The following SIK3 variants were observed in gnomAD, a reference collection of about 807,000 sequenced individuals.
SIK3 encodes serine/threonine-protein kinase SIK3.
Under a neutral mutation model 144.2 loss-of-function variants are expected in SIK3, and 28 were observed. The ratio of observed to expected loss-of-function variants is 0.19; its 90% CI spans 0.14 to 0.27. SIK3 has a LOEUF of 0.27. Ranked by LOEUF, SIK3 falls within the 10% of genes least tolerant of loss-of-function variation. The pLI, the probability that SIK3 is intolerant of heterozygous loss-of-function variation, is 1.00. For synonymous variants in SIK3, 686 were observed against 676.3 expected, an observed-to-expected ratio of 1.01 and a Z score of -0.22; for missense variants, 1,319 against 1,776.0, an observed-to-expected ratio of 0.74 and a Z score of 4.62.
intron 4 of SIK3, among the ~76,000 whole-genome samples, chr11:116,904,479 T>A (rs531179131): frequency 6.6e-6 from 1 of 152,304 alleles, no homozygotes; most frequent in East Asian, 1.9e-4. Context: ...TCTTTCCTTT[T>A]TTTTTCCTCC....
chr11:117,002,136 C>T (rs1248953793), intron 1 of SIK3, among the ~76,000 whole-genome samples: 1 of 152,212 alleles, frequency 6.6e-6, no homozygotes, highest in East Asian at 1.9e-4. Flanking sequence ...CCTTTCCCCA[C>T]TTTTAAAGTT....
In SIK3 at chr11:116,844,613, T is replaced by C. The variant is rs77356018; in HGVS notation, c.*1030A>G. 10,847 of 58,386 alleles carry C rather than the reference T, an allele frequency of 0.19. 1,628 individuals are homozygous for C. The highest frequency in any genetic ancestry group is 0.47 in the African/African-American group (10,278 of 21,880). The allele number at this position is 58,386 out of a possible 1,614,324, so 3.6% of individuals were successfully genotyped here. A position where few individuals can be genotyped will look rare whatever the true frequency, so the allele number is the denominator to read the frequency against. ...ATATATATTTTATATATATATTATA[T>C]ATATAATATATATATAATATATTAT... On this transcript the variant is annotated 3_prime_UTR_variant, in exon 25 of 25. Transcript: ENST00000445177.
intron 6 of SIK3, among the ~76,000 whole-genome samples, chr11:116,889,559 C>G (rs575458306): frequency 2.0e-5 from 3 of 151,978 alleles, no homozygotes; most frequent in Non-Finnish European, 4.4e-5. Context: ...AGAGCAAGAC[C>G]CTGTCGCCAA....
intron 1 of SIK3, among the ~76,000 whole-genome samples, chr11:117,056,191 A>G (rs1165022667): frequency 6.6e-6 from 1 of 152,220 alleles, no homozygotes; most frequent in African/African-American, 2.4e-5. Flanking sequence ...AATACTATTT[A>G]GCCATAAAAA....
intron 1 of SIK3, among the ~76,000 whole-genome samples, chr11:117,002,669 C>T (rs1950896880): frequency 6.6e-6 from 1 of 152,122 alleles, no homozygotes; most frequent in Non-Finnish European, 1.5e-5. Flanking sequence ...ATATTGGCTT[C>T]ATAATAAATA....
intron 1 of SIK3, among the ~76,000 whole-genome samples, chr11:117,018,355 A>G (rs1046248937): frequency 3.9e-5 from 6 of 152,216 alleles, no homozygotes; most frequent in African/African-American, 1.4e-4. Flanking sequence ...TTAAAAAGAA[A>G]AAACGCAGCT....
intron 21 of SIK3, among the ~76,000 whole-genome samples, chr11:116,853,903 G>C (rs888523443): frequency 6.6e-6 from 1 of 152,234 alleles, no homozygotes; most frequent in Non-Finnish European, 1.5e-5. Flanking sequence ...ACAGCATGGG[G>C]CATGTGAAAT....
chr11:117,022,398 A>G (rs1951817796), intron 1 of SIK3, among the ~76,000 whole-genome samples: 1 of 152,234 alleles, frequency 6.6e-6, no homozygotes, highest in Admixed American at 6.5e-5. Flanking sequence ...GGGAAACACA[A>G]AGGGTAAACC....
intron 3 of SIK3, among the ~76,000 whole-genome samples, chr11:116,948,175 C>A (rs1948767976): frequency 6.6e-6 from 1 of 150,986 alleles, no homozygotes; most frequent in East Asian, 2.0e-4. Context: ...TGAGGTCAAG[C>A]AATCCACTCA....
At chr11:116,877,090 C>G (rs781150469) in intron 6 of SIK3, 48 bp from the exon 7 acceptor site, 34 of 1,552,258 alleles carry the variant, frequency 2.2e-5, no homozygotes, top group Non-Finnish European at 2.9e-5. Context: ...AGGGGAGGCA[C>G]CAGGGGAGTA....
intron 1 of SIK3, among the ~76,000 whole-genome samples, chr11:116,976,012 T>C (rs1423566769): frequency 3.9e-5 from 6 of 152,224 alleles, no homozygotes; most frequent in Admixed American, 2.6e-4. Flanking sequence ...TGCATACACT[T>C]TGAGGGGCAT....
At chr11:116,879,125 A>T (rs1295817353) in intron 6 of SIK3, among the ~76,000 whole-genome samples, 1 of 152,214 alleles carries the variant, frequency 6.6e-6, no homozygotes, top group Non-Finnish European at 1.5e-5. Flanking sequence ...TATCTACTGA[A>T]TATGTAAATA....
At chr11:116,917,827 G>GAAGGAAAGGAAAGGAAAGGA (rs55678809) in intron 4 of SIK3, among the ~76,000 whole-genome samples, 15,840 of 104,742 alleles carry the variant, frequency 0.15, 1,861 homozygotes, top group African/African-American at 0.18. Flanking sequence ...GAAGAAGAAG[G>GAAGGAAAGGAAAGGAAAGGA]AAGGAAAGGA....
Position 117,074,058 on chromosome 11 carries a change from G to A in SIK3, c.273+24085C>T, listed in dbSNP as rs116021173. On this transcript the variant is annotated intron_variant, in intron 1 of 24. Coordinates refer to ENST00000445177, the MANE Select transcript of SIK3 (RefSeq NM_001366686.3). ...TAGCCCAGCCTCCTTAGCAAATCGT[G>A]AATGCTGTTTCACTCTCAGTCTATT... Among the ~76,000 whole-genome samples the A allele has an allele frequency of 9.0e-3, 1,364 of 152,226 alleles. 22 individuals are homozygous for A. The highest frequency in any genetic ancestry group is 0.031 in the African/African-American group (1,300 of 41,526).
intron 6 of SIK3, among the ~76,000 whole-genome samples, chr11:116,884,964 G>A (rs549260015): frequency 8.5e-5 from 13 of 152,220 alleles, no homozygotes; most frequent in Middle Eastern, 3.4e-3. Context: ...CAGTTGCTCG[G>A]GGGAAGAAAA....
At chr11:116,924,151 G>T (rs1947149941) in intron 4 of SIK3, among the ~76,000 whole-genome samples, 1 of 151,932 alleles carries the variant, frequency 6.6e-6, no homozygotes, top group Non-Finnish European at 1.5e-5. Flanking sequence ...AAAATTAGCA[G>T]AACGTGGTGG....
chr11:116,915,122 A>ATGTGTG (rs1423283335), intron 4 of SIK3, among the ~76,000 whole-genome samples: 1,270 of 100,002 alleles, frequency 0.013, 8 homozygotes, highest in South Asian at 0.015. Context: ...AGGAAGCCAT[A>ATGTGTG]TATGTGTGTG....
intron 1 of SIK3, among the ~76,000 whole-genome samples, chr11:116,983,885 G>A (rs913280774): frequency 4.0e-5 from 6 of 151,790 alleles, no homozygotes; most frequent in Admixed American, 2.0e-4. Context: ...GGCAACATGC[G>A]AAATCCCATC....
chr11:117,082,555 AT>A, intron 1 of SIK3, among the ~76,000 whole-genome samples: 1 of 152,368 alleles, frequency 6.6e-6, no homozygotes, highest in Non-Finnish European at 1.5e-5. Context: ...AATTCTATTT[AT>A]ATGAAGTGTC....
Sources: gnomAD v4.1 joint callset for allele counts (sites outside exome capture counted in the v4.1 genomes callset) on GRCh38, gnomAD v4.1.1 for gene constraint, MANE v1.5 for transcripts, NCBI Gene and HGNC (gene_info 2026-07-23, HGNC 2026-07-21) for gene names.